Variants in CACNA2D1 observed in about 807,000 individuals in gnomAD.
The protein encoded by CACNA2D1 is calcium voltage-gated channel auxiliary subunit alpha2delta 1, also known as voltage-dependent calcium channel subunit alpha-2/delta-1.
CACNA2D1 carries 53 observed loss-of-function variants against 171.5 expected under a neutral mutation model. The observed-to-expected ratio is 0.31, with a 90% CI of 0.25 to 0.39. The LOEUF (loss-of-function observed/expected upper bound fraction) is 0.39. Among genes scored for constraint, CACNA2D1 ranks in the 10% least tolerant of loss-of-function variants. The probability of loss-of-function intolerance (pLI) is 1.00; values close to 1 mark genes in which losing one functional copy is unlikely to be tolerated. For missense variants in CACNA2D1, 903 were observed against 1,299.8 expected, an observed-to-expected ratio of 0.69 and a Z score of 4.69; for synonymous variants, 442 against 443.1, an observed-to-expected ratio of 1.00 and a Z score of 0.03.
chr7:82,216,803 A>C (rs183690461), intron 3 of CACNA2D1, among the ~76,000 whole-genome samples: 1 of 150,642 alleles, frequency 6.6e-6, no homozygotes, highest in South Asian at 2.1e-4. Flanking sequence ...ACATCCATAA[A>C]TTTTTTTTTA....
intron 5 of CACNA2D1, among the ~76,000 whole-genome samples, chr7:82,122,158 A>G (rs1789812711): frequency 6.6e-6 from 1 of 152,174 alleles, no homozygotes; most frequent in Non-Finnish European, 1.5e-5. Context: ...TAACAAAAAG[A>G]AAGTTAAAAA....
At chr7:82,348,323 C>G (rs1265681189) in intron 2 of CACNA2D1, among the ~76,000 whole-genome samples, 3 of 152,128 alleles carry the variant, frequency 2.0e-5, no homozygotes, top group Admixed American at 2.0e-4. Flanking sequence ...TTGCAGATCC[C>G]AAGCATCGGC....
At chr7:82,296,067 C>T (rs2129420516) in intron 3 of CACNA2D1, among the ~76,000 whole-genome samples, 1 of 149,474 alleles carries the variant, frequency 6.7e-6, no homozygotes, top group South Asian at 2.1e-4. Context: ...AATGAGAACA[C>T]ATGGACACAG....
chr7:82,367,023 C>T (rs1469260640), intron 1 of CACNA2D1, among the ~76,000 whole-genome samples: 2 of 150,308 alleles, frequency 1.3e-5, no homozygotes, highest in Admixed American at 6.7e-5. Context: ...TCTCCTGCCT[C>T]AGCCTCCCAA....
At chr7:82,271,394 T>A (rs1229131986) in intron 3 of CACNA2D1, among the ~76,000 whole-genome samples, 2 of 152,142 alleles carry the variant, frequency 1.3e-5, no homozygotes, top group Admixed American at 1.3e-4. Flanking sequence ...AAATTTTATT[T>A]CCTTTATCAT....
intron 1 of CACNA2D1, among the ~76,000 whole-genome samples, chr7:82,411,636 A>G (rs1443798131): frequency 6.6e-6 from 1 of 152,130 alleles, no homozygotes; most frequent in Non-Finnish European, 1.5e-5. Flanking sequence ...CCTATTCTCC[A>G]TACAGGTATG....
intron 26 of CACNA2D1, 137 bp from the exon 27 acceptor site, chr7:81,970,874 A>T: frequency 6.0e-6 from 4 of 663,334 alleles, no homozygotes; most frequent in Non-Finnish European, 1.1e-5. Context: ...ATGTTTTAAT[A>T]ATTTAAATAT....
intron 1 of CACNA2D1, among the ~76,000 whole-genome samples, chr7:82,418,722 A>C (rs962163152): frequency 3.3e-5 from 5 of 152,134 alleles, no homozygotes; most frequent in African/African-American, 1.2e-4. Context: ...TTACAGAAAA[A>C]GTAGACCAAC....
chr7:82,347,495 G>C (rs1014487639), intron 2 of CACNA2D1, among the ~76,000 whole-genome samples: 1 of 151,974 alleles, frequency 6.6e-6, no homozygotes, highest in African/African-American at 2.4e-5. Flanking sequence ...TCTAACTGGA[G>C]CCCTGCTAAG....
At chr7:82,091,140 T>A (rs1415547964) in intron 6 of CACNA2D1, among the ~76,000 whole-genome samples, 1 of 152,112 alleles carries the variant, frequency 6.6e-6, no homozygotes, top group Non-Finnish European at 1.5e-5. Flanking sequence ...AATGAATGAA[T>A]CTTTTCAGTG....
At chr7:82,379,407 A>T (rs1046211295) in intron 1 of CACNA2D1, among the ~76,000 whole-genome samples, 1 of 152,234 alleles carries the variant, frequency 6.6e-6, no homozygotes, top group African/African-American at 2.4e-5. Context: ...ATTTTTTACC[A>T]TTTAAAATTT....
At chr7:82,221,466 C>G (rs76821729) in intron 3 of CACNA2D1, among the ~76,000 whole-genome samples, 1 of 151,892 alleles carries the variant, frequency 6.6e-6, no homozygotes, top group African/African-American at 2.4e-5. Context: ...CAACCTCAGC[C>G]GGGGGCGGTG....
At chr7:82,082,907 T>C (rs1809974589) in intron 7 of CACNA2D1, among the ~76,000 whole-genome samples, 1 of 152,226 alleles carries the variant, frequency 6.6e-6, no homozygotes, top group East Asian at 1.9e-4. Flanking sequence ...GTTTTATTAG[T>C]AATTTTTAAA....
intron 3 of CACNA2D1, among the ~76,000 whole-genome samples, chr7:82,246,571 T>C (rs974878118): frequency 2.0e-5 from 3 of 152,110 alleles, no homozygotes; most frequent in Non-Finnish European, 4.4e-5. Flanking sequence ...TGTAGGTGTA[T>C]GTGTTTGTTT....
chr7:81,957,836 G>T (rs1793602731), intron 38 of CACNA2D1, among the ~76,000 whole-genome samples: 1 of 152,006 alleles, frequency 6.6e-6, no homozygotes, highest in Non-Finnish European at 1.5e-5. Flanking sequence ...CCTTTTAATG[G>T]CTTGATCATA....
intron 3 of CACNA2D1, among the ~76,000 whole-genome samples, chr7:82,242,772 G>A (rs529595909): frequency 5.3e-5 from 8 of 150,924 alleles, no homozygotes; most frequent in Admixed American, 1.3e-4. Context: ...TATTACACAC[G>A]TCTACACATT....
intron 6 of CACNA2D1, among the ~76,000 whole-genome samples, chr7:82,114,750 C>T (rs1409714243): frequency 1.5e-4 from 20 of 134,234 alleles, no homozygotes; most frequent in African/African-American, 2.6e-4. Flanking sequence ...AGTGAGACTC[C>T]GTCCCAGAAG....
At chr7:82,105,276 C>T (rs984328548) in intron 6 of CACNA2D1, among the ~76,000 whole-genome samples, 1 of 151,518 alleles carries the variant, frequency 6.6e-6, no homozygotes, top group African/African-American at 2.4e-5. Flanking sequence ...TTTGAGAATA[C>T]ACAAACTGTT....
intron 1 of CACNA2D1, among the ~76,000 whole-genome samples, chr7:82,372,616 A>C (rs1404328764): frequency 7.8e-6 from 1 of 128,792 alleles, no homozygotes; most frequent in Admixed American, 7.8e-5. Flanking sequence ...TATGAAGCAG[A>C]TTTTTATTTT....
Sources: allele counts gnomAD v4.1 joint callset (sites outside exome capture counted in the v4.1 genomes callset), GRCh38; gene constraint gnomAD v4.1.1; transcripts MANE v1.5; gene names NCBI Gene and HGNC (gene_info 2026-07-23, HGNC 2026-07-21).